The following WDR73 variants were observed in gnomAD, a reference collection of about 807,000 sequenced individuals.
The protein encoded by WDR73 is WD repeat domain 73, also known as integrator complex assembly factor WDR73.
WDR73 carries 30 observed loss-of-function variants against 38.2 expected under a neutral mutation model. The ratio of observed to expected loss-of-function variants is 0.79; its 90% CI spans 0.59 to 1.06. WDR73 has a LOEUF of 1.06. Ranked by LOEUF, WDR73 falls within the 50% of genes least tolerant of loss-of-function variation. WDR73 has a pLI of 0.00. For missense variants in WDR73, 487 were observed against 467.0 expected, an observed-to-expected ratio of 1.04 and a Z score of -0.40; for synonymous variants, 197 against 176.0, an observed-to-expected ratio of 1.12 and a Z score of -0.94.
At position 84,649,200 on chromosome 15, in the gene WDR73, T is replaced by C. The variant is rs575644551; in HGVS notation, c.199-575A>G. 2.0e-5 allele frequency among the ~76,000 whole-genome samples: 3 copies of C among 152,316 alleles called. No individual in the cohort carries two copies. The East Asian group carries it at 5.8e-4, about 29-fold the overall frequency. On this transcript the variant is annotated intron_variant, in intron 3 of 7. Transcript: ENST00000434634. Reference sequence around the variant, plus strand: ...ATTAAGTTGTGAATTTGAACCAAAGTCTGTCTAACCCAAGTCCACACTGTT... The same window carrying C: ...ATTAAGTTGTGAATTTGAACCAAAGCCTGTCTAACCCAAGTCCACACTGTT...
chr15:84,650,502 A>C (rs978068174), intron 3 of WDR73, among the ~76,000 whole-genome samples: 1 of 152,190 alleles, frequency 6.6e-6, no homozygotes, highest in African/African-American at 2.4e-5. Context: ...CTGGTACTAC[A>C]GGCGCATGCC....
chr15:84,650,013 T>A (rs1896575616), intron 3 of WDR73, among the ~76,000 whole-genome samples: 6 of 152,220 alleles, frequency 3.9e-5, no homozygotes. Context: ...CTAATGGCCC[T>A]GGTAGGGTGG....
At position 84,643,641 on chromosome 15, in the gene WDR73, T is replaced by C. The variant is rs772556608; in HGVS notation, c.966A>G (p.Glu322=). 1.2e-6 allele frequency: 2 copies of C among 1,612,648 alleles called. No individual in the cohort carries two copies. Among genetic ancestry groups the C allele is most frequent in the Admixed American group, 3.3e-5 (2 of 59,868 alleles). ...TGTGACCTCTGTGAGTGAAGAGAGG[T>C]TCTACTTGGCTCCGTGTTCCATCTT... The part of the protein sequence containing the change: ...RSQDGTRSQV[E]PLFTHRGHIF... The change falls in exon 8 of 8, where the codon GAA becomes GAG. Residue 322 remains glutamate, a synonymous_variant. Coordinates refer to ENST00000434634, the MANE Select transcript of WDR73 (RefSeq NM_032856.5).
Position 84,645,591 on chromosome 15 carries a change from G to C in WDR73, c.763C>G (p.Pro255Ala), listed in dbSNP as rs751320800. The C allele has an allele frequency of 6.2e-7, 1 of 1,610,920 alleles. No individual in the cohort carries two copies. Among genetic ancestry groups the C allele is most frequent in the Non-Finnish European group, 8.5e-7 (1 of 1,178,708 alleles). The change falls in exon 7 of 8, where the codon CCC (proline) becomes GCC (alanine). Residue 255 changes from proline (P) to alanine (A), a missense_variant. Pro to Ala is a conservative substitution (Grantham distance 27). Transcript: ENST00000434634. ...CTCACAGGATGGCAGAGATCCCGGG[G>C]GTCAAGAAGACAAAGACGCCCATCT... is the stretch of plus-strand genomic sequence containing the variant. ...GSDGRLCLLD[P>A]RDLCHPVSSV...
Position 84,641,297 on chromosome 15 carries a change from A to C in WDR73, c.*2173T>G, listed in dbSNP as rs1400161624. ...GAATGGGAGCTAGCATTCCACCAAC[A>C]AAGTCAGCCCTGGGATTCTAAACTC... On this transcript the variant is annotated 3_prime_UTR_variant, in exon 8 of 8. Transcript: ENST00000434634. 1 of 152,144 alleles carries C rather than the reference A, an allele frequency of 6.6e-6. No individual in the cohort carries two copies. Among genetic ancestry groups the C allele is most frequent in the African/African-American group, 2.4e-5 (1 of 41,424 alleles). 9.4% of individuals were successfully genotyped at this position (152,144 alleles called of 1,614,324 possible). A position where few individuals can be genotyped will look rare whatever the true frequency, so the allele number is the denominator to read the frequency against.
intron 2 of WDR73, 64 bp from the exon 3 acceptor site, chr15:84,652,866 C>G: frequency 2.0e-6 from 2 of 982,386 alleles, no homozygotes; most frequent in Non-Finnish European, 3.0e-6. Context: ...ATGCAATCCC[C>G]CGAAGTAAGG....
At position 84,653,612 on chromosome 15, in the gene WDR73, G is replaced by A. The variant is rs1248977634; in HGVS notation, c.109+20C>T. On this transcript the variant is annotated intron_variant, in intron 2 of 7. Transcript: ENST00000434634. The stretch of plus-strand genomic sequence containing the variant: ...CAGGAGTGAGATTCCCTCTCCTTCA[G>A]GGCTAGAAAGGTATACCACCTTTGT... The A allele has an allele frequency of 2.6e-6, 4 of 1,567,836 alleles. No individual in the cohort carries two copies. Among genetic ancestry groups the A allele is most frequent in the Non-Finnish European group, 3.5e-6 (4 of 1,152,958 alleles).
chr15:84,643,341 G>A lies in WDR73; in HGVS notation c.*129C>T, dbSNP rs965500013. ...GATAAGGAAACTGAGGCTAAGTGAC[G>A]CTGGCAGACTTGCCCAAGGCCACAC... On this transcript the variant is annotated 3_prime_UTR_variant, in exon 8 of 8. Transcript: ENST00000434634. 3.8e-5 allele frequency: 43 copies of A among 1,132,998 alleles called. No homozygotes were observed. Among genetic ancestry groups the A allele is most frequent in the Admixed American group, 1.1e-4 (4 of 36,216 alleles). The allele number at this position is 1,132,998 out of a possible 1,614,324, so 70.2% of individuals were successfully genotyped here. A position where few individuals can be genotyped will look rare whatever the true frequency, so the allele number is the denominator to read the frequency against.
intron 7 of WDR73, chr15:84,644,409 C>G (rs1299328299): frequency 6.6e-6 from 1 of 152,112 alleles, no homozygotes; most frequent in Admixed American, 6.6e-5. Context: ...TTTCTGGATC[C>G]TGGCATTTCC....
rs970251160 is a variant in WDR73 at position 84,642,017 on chromosome 15, T to A, written c.*1453A>T. The A allele has an allele frequency of 6.6e-6, 1 of 151,982 alleles. No individual in the cohort carries two copies. The highest frequency in any genetic ancestry group is 2.4e-5 in the African/African-American group (1 of 41,384). 9.4% of individuals were successfully genotyped at this position (151,982 alleles called of 1,614,324 possible). ...GCTTGACCTGAATTTTAACTGCAGT[T>A]AATTATCACTTAACCAGCGAATTCA... On this transcript the variant is annotated 3_prime_UTR_variant, in exon 8 of 8. Coordinates refer to ENST00000434634, the MANE Select transcript of WDR73 (RefSeq NM_032856.5).
chr15:84,646,764 G>A (rs1387867278), intron 5 of WDR73: 4 of 177,538 alleles, frequency 2.3e-5, no homozygotes, highest in Admixed American at 5.4e-5. Context: ...CCATGACCTC[G>A]AGTGACTTGC....
At chr15:84,653,291 C>T in intron 2 of WDR73, 1 of 252,492 alleles carries the variant, frequency 4.0e-6, no homozygotes. Context: ...CCTCAGCCTC[C>T]CCAGTAGCTG....
chr15:84,650,226 A>G (rs1437309015), intron 3 of WDR73, among the ~76,000 whole-genome samples: 2 of 152,166 alleles, frequency 1.3e-5, no homozygotes, highest in East Asian at 1.9e-4. Flanking sequence ...GCTGTTACCT[A>G]GGCTGGAAGT....
In WDR73 at chr15:84,640,055, A is replaced by T. The variant is rs1250444111; in HGVS notation, c.*3415T>A. 1 of 152,198 alleles carries T rather than the reference A, an allele frequency of 6.6e-6. No homozygotes were observed. The highest frequency in any genetic ancestry group is 1.5e-5 in the Non-Finnish European group (1 of 68,066). The allele number at this position is 152,198 out of a possible 1,614,324, so 9.4% of individuals were successfully genotyped here. A position where few individuals can be genotyped will look rare whatever the true frequency, so the allele number is the denominator to read the frequency against. On this transcript the variant is annotated 3_prime_UTR_variant, in exon 8 of 8. Coordinates refer to ENST00000434634, the MANE Select transcript of WDR73 (RefSeq NM_032856.5). The stretch of plus-strand genomic sequence containing the variant: ...TTCTTTGGGATTGAGAGGATTCCAA[A>T]GGGAACCAGGGCATAGCACTAGAAG...
rs956164820 is a variant in WDR73 at position 84,641,252 on chromosome 15, G to A, written c.*2218C>T. The A allele has an allele frequency of 6.6e-6, 1 of 152,146 alleles. No individual in the cohort carries two copies. Among genetic ancestry groups the A allele is most frequent in the Non-Finnish European group, 1.5e-5 (1 of 68,034 alleles). The allele number at this position is 152,146 out of a possible 1,614,324, so 9.4% of individuals were successfully genotyped here. ...CGGACTTCAAGGAGATTCAGAAAAC[G>A]TCCAGTGCAGGTGGGAAATGAATGG... On this transcript the variant is annotated 3_prime_UTR_variant, in exon 8 of 8. Transcript: ENST00000434634.
chr15:84,645,271 G>C, intron 7 of WDR73, 200 bp downstream of exon 7: 1 of 1,480,072 alleles, frequency 6.8e-7, no homozygotes, highest in East Asian at 2.6e-5. Flanking sequence ...GGAAAGGCCT[G>C]CTGCCAATGT....
chr15:84,648,417 T>G, intron 4 of WDR73, 120 bp downstream of exon 4: 1 of 722,586 alleles, frequency 1.4e-6, no homozygotes, highest in Non-Finnish European at 2.5e-6. Flanking sequence ...ACTTGTGCAC[T>G]CACATGTGCC....
At position 84,639,558 on chromosome 15, in the gene WDR73, A is replaced by G. The variant is rs1316882608; in HGVS notation, c.*3912T>C. Reference sequence around the variant, plus strand: ...GAACTCCCACGTGGAGTAGGATGAAAACCCACAGCATCTAGATCTTCAAAT... The same window carrying G: ...GAACTCCCACGTGGAGTAGGATGAAGACCCACAGCATCTAGATCTTCAAAT... On this transcript the variant is annotated 3_prime_UTR_variant, in exon 8 of 8. Transcript: ENST00000434634. The G allele has an allele frequency of 1.3e-5, 2 of 152,192 alleles. No individual in the cohort carries two copies. Among genetic ancestry groups the G allele is most frequent in the Non-Finnish European group, 2.9e-5 (2 of 68,054 alleles). The allele number at this position is 152,192 out of a possible 1,614,324, so 9.4% of individuals were successfully genotyped here.
At position 84,652,795 on chromosome 15, in the gene WDR73, A is replaced by G. The variant is rs778402057; in HGVS notation, c.117T>C (p.Phe39=). ...VLEWIDDKGV[F]VAGYESLKKN... The stretch of plus-strand genomic sequence containing the variant: ...TTTTCAGGCTTTCATAGCCAGCAAC[A>G]AAGACTCCTGGAAAAAGAAGCAGAG... Residue 39 remains phenylalanine, a synonymous_variant, in exon 3 of 8, where the codon TTT becomes TTC. Transcript: ENST00000434634. The G allele has an allele frequency of 6.5e-7, 1 of 1,529,760 alleles. No homozygotes were observed. The highest frequency in any genetic ancestry group is 8.8e-7 in the Non-Finnish European group (1 of 1,137,150). 94.8% of individuals were successfully genotyped at this position (1,529,760 alleles called of 1,614,324 possible). A position where few individuals can be genotyped will look rare whatever the true frequency, so the allele number is the denominator to read the frequency against.
Sources: allele counts gnomAD v4.1 joint callset (sites outside exome capture counted in the v4.1 genomes callset), GRCh38; gene constraint gnomAD v4.1.1; transcripts MANE v1.5; gene names NCBI Gene and HGNC (gene_info 2026-07-23, HGNC 2026-07-21).